Variants in RGS9 observed in about 807,000 individuals in gnomAD.
RGS9 encodes regulator of G protein signaling 9.
Under a neutral mutation model 102.0 loss-of-function variants are expected in RGS9, and 78 were observed. The ratio of observed to expected loss-of-function variants is 0.76; its 90% confidence interval spans 0.64 to 0.92. The LOEUF (loss-of-function observed/expected upper bound fraction) is 0.92, where lower values mean the gene tolerates loss of function less well. Among genes scored for constraint, RGS9 ranks in the 40% least tolerant of loss-of-function variants. The pLI is 0.00. For synonymous variants in RGS9, 353 were observed against 318.6 expected, an observed-to-expected ratio of 1.11 and a Z score of -1.15; for missense variants, 833 against 866.1, an observed-to-expected ratio of 0.96 and a Z score of 0.48.
chr17:65,154,104 C>T (rs556534916), intron 2 of RGS9, among the ~76,000 whole-genome samples: 3 of 152,164 alleles, frequency 2.0e-5, no homozygotes, highest in East Asian at 3.9e-4. Flanking sequence ...GTCGGGAGTT[C>T]GAGACCGGCC....
chr17:65,161,039 G>C (rs1263230019), intron 6 of RGS9, 130 bp downstream of exon 6: 34 of 762,218 alleles, frequency 4.5e-5, no homozygotes, highest in Non-Finnish European at 7.4e-5. Flanking sequence ...CAGCCAGCCA[G>C]CTAGCCATCC....
rs1288765503 is a variant in RGS9 at position 65,191,367 on chromosome 17, G to GT, written c.746+1142dup. On this transcript the variant is annotated intron_variant, in intron 11 of 18. Transcript: ENST00000262406. ...CATTAGTGTTTTGACCTGTGAACCA[G>GT]TTTTTTTTTTTGTTGTTGTTGTTGT... 4.4e-3 allele frequency among the ~76,000 whole-genome samples: 654 copies of GT among 147,454 alleles called. 5 individuals carry two copies. Among genetic ancestry groups the GT allele is most frequent in the African/African-American group, 0.012 (503 of 40,430 alleles).
At chr17:65,190,464 A>G (rs761898813) in intron 11 of RGS9, among the ~76,000 whole-genome samples, 1 of 152,096 alleles carries the variant, frequency 6.6e-6, no homozygotes, top group East Asian at 1.9e-4. Flanking sequence ...TCTAGAAAAG[A>G]CTGTTATGTT....
At chr17:65,186,176 T>G (rs553953215) in intron 9 of RGS9, among the ~76,000 whole-genome samples, 16 of 149,004 alleles carry the variant, frequency 1.1e-4, no homozygotes, top group African/African-American at 4.0e-4. Flanking sequence ...ATTTATTTAT[T>G]TATTTATTTA....
intron 7 of RGS9, among the ~76,000 whole-genome samples, chr17:65,165,836 T>C (rs772739815): frequency 5.3e-5 from 8 of 152,234 alleles, no homozygotes; most frequent in Non-Finnish European, 1.2e-4. Context: ...GCTTTTCTGA[T>C]TAGCTGTTAC....
At chr17:65,203,551 A>T (rs1912934032) in intron 14 of RGS9, among the ~76,000 whole-genome samples, 1 of 152,232 alleles carries the variant, frequency 6.6e-6, no homozygotes, top group South Asian at 2.1e-4. Context: ...TTTCTAATTC[A>T]GCAACAGCTC....
intron 15 of RGS9, among the ~76,000 whole-genome samples, chr17:65,206,702 A>G (rs1459461950): frequency 2.0e-5 from 3 of 152,128 alleles, no homozygotes; most frequent in African/African-American, 7.2e-5. Flanking sequence ...AAACAAACAA[A>G]AAAACCTGTA....
intron 17 of RGS9, among the ~76,000 whole-genome samples, chr17:65,223,585 C>T (rs1905460151): frequency 1.3e-5 from 2 of 152,216 alleles, no homozygotes; most frequent in South Asian, 4.1e-4. Context: ...ACCAGGGCTA[C>T]CTCCTTCAGC....
intron 10 of RGS9, 92 bp downstream of exon 10, chr17:65,189,407 A>G (rs1339675469): frequency 1.0e-6 from 1 of 959,940 alleles, no homozygotes; most frequent in Non-Finnish European, 1.7e-6. Context: ...TGGTAATGAA[A>G]TGAAAACCAC....
At chr17:65,147,587 C>CTTTTT (rs36062784) in intron 1 of RGS9, among the ~76,000 whole-genome samples, 2,069 of 103,606 alleles carry the variant, frequency 0.02, 268 homozygotes, top group African/African-American at 0.085. Flanking sequence ...CTTTTAAAAA[C>CTTTTT]TTTTTTTTTT....
At position 65,225,143 on chromosome 17, in the gene RGS9, C is replaced by T; in HGVS notation, c.1549C>T (p.Pro517Ser). The stretch of plus-strand genomic sequence containing the variant: ...CTCACCCAGCCGCTTCATCCGGCGA[C>T]CCAGCACCACCATCTGCCCCTCACC... ...FASPSRFIRR[P>S]STTICPSPIR... Residue 517 changes from proline (P) to serine (S), a missense_variant, in exon 18 of 19, where the codon CCC becomes TCC. Physicochemically the swap from Pro to Ser is moderately conservative, Grantham distance 74. Coordinates refer to ENST00000262406, the MANE Select transcript of RGS9 (RefSeq NM_003835.4). 1.2e-6 allele frequency: 2 copies of T among 1,613,780 alleles called. No individual in the cohort carries two copies. Among genetic ancestry groups the T allele is most frequent in the Non-Finnish European group, 1.7e-6 (2 of 1,180,036 alleles).
Position 65,143,793 on chromosome 17 carries a change from CAAAAA to C in RGS9, c.57+6212_57+6216del, listed in dbSNP as rs61423689. ...TGGGCGACAGAGCCAGACTCTGTCT[CAAAAA>C]AAAAAAAAAAAAAAATTAGCTGGGC... is the stretch of plus-strand genomic sequence containing the variant. On this transcript the variant is annotated intron_variant, in intron 1 of 18. Transcript: ENST00000262406. Among the ~76,000 whole-genome samples, 16 of 97,050 alleles carry C rather than the reference CAAAAA, an allele frequency of 1.6e-4. No homozygotes were observed. In the South Asian group the frequency reaches 1.8e-3, roughly 11 times the overall value. The allele number at this position is 97,050 out of a possible 152,430, so 63.7% of individuals were successfully genotyped here.
At position 65,193,603 on chromosome 17, in the gene RGS9, C is replaced by T. The variant is rs1398962959; in HGVS notation, c.807C>T (p.Pro269=). Residue 269 remains proline (P), a synonymous_variant, in exon 12 of 19, where the codon CCC becomes CCT. Coordinates refer to ENST00000262406, the MANE Select transcript of RGS9 (RefSeq NM_003835.4). ...SNDAIMSGCL[P]SNPWITDDTQ... ...ATGCCATCATGTCAGGCTGCCTCCC[C>T]AGCAACCCCTGGATCACCGATGACA... 1 of 1,613,892 alleles carries T rather than the reference C, an allele frequency of 6.2e-7. No individual in the cohort carries two copies. The highest frequency in any genetic ancestry group is 1.7e-5 in the Admixed American group (1 of 59,998).
intron 15 of RGS9, among the ~76,000 whole-genome samples, chr17:65,204,927 G>A (rs373753205): frequency 2.2e-4 from 33 of 152,210 alleles, no homozygotes; most frequent in African/African-American, 7.7e-4. Flanking sequence ...TTTCAAGGCC[G>A]AGCTCTTAGT....
chr17:65,189,354 A>G (rs1912268642), intron 10 of RGS9, 39 bp downstream of exon 10: 2 of 1,489,618 alleles, frequency 1.3e-6, no homozygotes, highest in Non-Finnish European at 1.9e-6. Flanking sequence ...ATGGTTTTAA[A>G]TCTTCTAACA....
chr17:65,162,992 C>A (rs1315586282), intron 6 of RGS9, 21 bp from the exon 7 acceptor site: 1 of 1,337,262 alleles, frequency 7.5e-7, no homozygotes, highest in Admixed American at 1.7e-5. Context: ...TTTCTGTTCT[C>A]ATTTTGTTTT....
At chr17:65,147,633 C>T (rs1242336210) in intron 1 of RGS9, among the ~76,000 whole-genome samples, 2 of 134,156 alleles carry the variant, frequency 1.5e-5, no homozygotes, top group African/African-American at 6.5e-5. Context: ...CTCTGTTACC[C>T]AGGCTGGAGT....
Position 65,153,464 on chromosome 17 carries a change from G to A in RGS9, c.100G>A (p.Val34Ile). The change falls in exon 2 of 19, where the codon GTC becomes ATC. Residue 34 changes from valine (V) to isoleucine (I), a missense_variant. This residue lies in a region of RGS9 where 328 missense variants were observed against 340.6 expected (regional missense o/e 0.96). Transcript: ENST00000262406. ...VKDMQNPETG[V>I]RMQNQRVLVT... Reference sequence around the variant, plus strand: ...GGACATGCAGAACCCAGAGACAGGGGTCCGAATGCAGAACCAGAGGGTCCT... The same window carrying A: ...GGACATGCAGAACCCAGAGACAGGGATCCGAATGCAGAACCAGAGGGTCCT... 6.2e-7 allele frequency: 1 copy of A among 1,614,174 alleles called. No homozygotes were observed. The highest frequency in any genetic ancestry group is 8.5e-7 in the Non-Finnish European group (1 of 1,180,010).
At chr17:65,168,121 G>A (rs573908070) in intron 7 of RGS9, 79 bp from the exon 8 acceptor site, 7 of 908,410 alleles carry the variant, frequency 7.7e-6, no homozygotes, top group Admixed American at 2.0e-5. Context: ...GAGGGGTCTA[G>A]GTCATCAGGA....
Sources: gnomAD v4.1 joint callset for allele counts (sites outside exome capture counted in the v4.1 genomes callset) on GRCh38, gnomAD v4.1.1 for gene constraint, gnomAD v4.1.1 regional missense constraint, MANE v1.5 for transcripts, NCBI Gene and HGNC (gene_info 2026-07-23, HGNC 2026-07-21) for gene names.